SETD5: variants seen among roughly 807,000 people sequenced by gnomAD.
SETD5 encodes histone-lysine N-methyltransferase SETD5.
A neutral mutation model predicts 153.3 loss-of-function variants in SETD5; 44 were observed. The observed-to-expected ratio is 0.29, with a 90% confidence interval of 0.23 to 0.37. The LOEUF (loss-of-function observed/expected upper bound fraction) is 0.37. Among genes scored for constraint, SETD5 ranks in the 10% least tolerant of loss-of-function variants. The probability of loss-of-function intolerance (pLI) is 1.00; values close to 1 mark genes in which losing one functional copy is unlikely to be tolerated. For missense variants in SETD5, 1,544 were observed against 1,768.0 expected (o/e 0.87, Z 2.27); for synonymous variants, 716 against 645.2 (o/e 1.11, Z -1.66).
Position 9,422,185 on chromosome 3 carries a change from C to T in SETD5, c.-176-2282C>T, listed in dbSNP as rs144220944. 1.4e-3 allele frequency among the ~76,000 whole-genome samples: 208 copies of T among 152,198 alleles called. 1 individual carries two copies. The highest frequency in any genetic ancestry group is 2.3e-3 in the South Asian group (11 of 4,828). Reference sequence around the variant, plus strand: ...TAAGTTAGATTCTAAATTAGTAAATCGTGGCTAATAAGATGAAAATAATCT... The same window carrying T: ...TAAGTTAGATTCTAAATTAGTAAATTGTGGCTAATAAGATGAAAATAATCT... On this transcript the variant is annotated intron_variant, in intron 1 of 22. Transcript: ENST00000402198.
intron 10 of SETD5, chr3:9,443,008 C>T: frequency 1.2e-5 from 3 of 249,310 alleles, no homozygotes; most frequent in Non-Finnish European, 1.6e-5. Flanking sequence ...CCACTCCACT[C>T]CAGCCTGAGC....
intron 1 of SETD5, among the ~76,000 whole-genome samples, chr3:9,403,283 A>G (rs1264884048): frequency 6.6e-6 from 1 of 152,218 alleles, no homozygotes; most frequent in Non-Finnish European, 1.5e-5. Flanking sequence ...AGCTCTGTAT[A>G]GGTTAAAATA....
chr3:9,445,351 A>C, intron 12 of SETD5, 51 bp downstream of exon 12: 2 of 1,571,728 alleles, frequency 1.3e-6, no homozygotes, highest in Non-Finnish European at 1.7e-6. Flanking sequence ...CCTCCAAAGG[A>C]AGAGGAACCC....
intron 1 of SETD5, among the ~76,000 whole-genome samples, chr3:9,415,358 TAA>T (rs1420641458): frequency 6.6e-6 from 1 of 152,112 alleles, no homozygotes; most frequent in Non-Finnish European, 1.5e-5. Flanking sequence ...TTGTAATATA[TAA>T]GTTAAATATT....
At chr3:9,409,729 A>G (rs759191894) in intron 1 of SETD5, among the ~76,000 whole-genome samples, 7 of 152,214 alleles carry the variant, frequency 4.6e-5, no homozygotes, top group Non-Finnish European at 7.3e-5. Flanking sequence ...AGATTTTTCA[A>G]TGAACAAAGT....
intron 3 of SETD5, chr3:9,433,637 C>T (rs2040225558): frequency 1.1e-6 from 1 of 938,944 alleles, no homozygotes; most frequent in Non-Finnish European, 1.5e-6. Context: ...GTACTGGCTT[C>T]ATGTTACACA....
chr3:9,473,144 T>C (rs1473213219), intron 19 of SETD5, 92 bp from the exon 20 acceptor site: 4 of 1,430,848 alleles, frequency 2.8e-6, no homozygotes, highest in Non-Finnish European at 2.8e-6. Flanking sequence ...TTTACTAAGG[T>C]ACCATCTTTC....
At position 9,445,961 on chromosome 3, in the gene SETD5, GGTT is replaced by G. The variant is rs1379432984; in HGVS notation, c.1524+225_1524+227del. On this transcript the variant is annotated intron_variant, in intron 13 of 22. Coordinates refer to ENST00000402198, the MANE Select transcript of SETD5 (RefSeq NM_001080517.3). ...TTATTATCTAGTGATGGTTTGAAGA[GGTT>G]GTTTTTTTTTTTTTTTTTTTTTTTA... Among the ~76,000 whole-genome samples the G allele has an allele frequency of 1.7e-4, 22 of 127,172 alleles. 1 individual carries two copies. The highest frequency in any genetic ancestry group is 6.7e-4 in the African/African-American group (19 of 28,380). 83.4% of individuals were successfully genotyped at this position (127,172 alleles called of 152,430 possible). A position where few individuals can be genotyped will look rare whatever the true frequency, so the allele number is the denominator to read the frequency against.
rs775965445 is a variant in SETD5, at chr3:9,443,360, C to G, written c.1130C>G (p.Ser377Cys). The change falls in exon 11 of 23, where the codon TCT becomes TGT. Residue 377 changes from serine to cysteine, a missense_variant. By Grantham distance (112) the Ser-to-Cys change is moderately radical. Around this residue, in one of 9 missense-constraint regions of SETD5, gnomAD observed 46 missense variants for 111.8 expected, o/e 0.41. Transcript: ENST00000402198. Reference protein sequence around the residue: ...GMIHLCIYAVSAITKDAEVTI... With the variant: ...GMIHLCIYAVCAITKDAEVTI... ...ATTCACCTGTGCATCTATGCTGTGT[C>G]TGCCATCACCAAGGATGCTGAGGTC... 6.6e-7 allele frequency: 1 copy of G among 1,515,764 alleles called. No individual in the cohort carries two copies. Among genetic ancestry groups the G allele is most frequent in the South Asian group, 1.3e-5 (1 of 76,928 alleles). The allele number at this position is 1,515,764 out of a possible 1,614,324, so 93.9% of individuals were successfully genotyped here.
intron 2 of SETD5, chr3:9,426,313 C>A (rs1464780481): frequency 7.1e-6 from 1 of 140,970 alleles, no homozygotes; most frequent in Non-Finnish European, 1.5e-5. Context: ...CAGCTCACTG[C>A]AACCTCCACC....
At chr3:9,406,118 A>G (rs1437338202) in intron 1 of SETD5, among the ~76,000 whole-genome samples, 1 of 151,792 alleles carries the variant, frequency 6.6e-6, no homozygotes, top group East Asian at 2.0e-4. Context: ...CTTGTTTTAT[A>G]AGAGAAACCA....
chr3:9,448,301 C>T (rs2042247699), intron 15 of SETD5, 87 bp from the exon 16 acceptor site: 2 of 1,517,776 alleles, frequency 1.3e-6, no homozygotes, highest in Non-Finnish European at 1.8e-6. Context: ...GCATCTCCTC[C>T]TGTCCTAGTT....
chr3:9,419,228 G>A (rs2038014873), intron 1 of SETD5, among the ~76,000 whole-genome samples: 1 of 152,060 alleles, frequency 6.6e-6, no homozygotes, highest in Non-Finnish European at 1.5e-5. Flanking sequence ...TTTCTACTTT[G>A]GATAAAATAA....
intron 1 of SETD5, among the ~76,000 whole-genome samples, chr3:9,401,710 C>G (rs143351588): frequency 9.8e-4 from 149 of 152,270 alleles, no homozygotes; most frequent in African/African-American, 3.4e-3. Flanking sequence ...CAGAGGGGAA[C>G]TGGATCATGA....
intron 2 of SETD5, among the ~76,000 whole-genome samples, chr3:9,426,944 A>G (rs955259466): frequency 6.6e-6 from 1 of 152,138 alleles, no homozygotes; most frequent in South Asian, 2.1e-4. Flanking sequence ...AGTGCAGTGC[A>G]TGATTATGGC....
rs1402320037 is a variant in SETD5, at chr3:9,474,610, A to G, written c.3631+28A>G. ...GAGCCCATGGCCTTCTGCTGCCACC[A>G]CATTCAGGGACACATGAGCCGAGTC... On this transcript the variant is annotated intron_variant, in intron 21 of 22. Coordinates refer to ENST00000402198, the MANE Select transcript of SETD5 (RefSeq NM_001080517.3). The G allele has an allele frequency of 5.6e-6, 9 of 1,611,294 alleles. No homozygotes were observed. The South Asian group carries it at 8.8e-5, about 16-fold the overall frequency.
chr3:9,412,817 A>T (rs1430390346), intron 1 of SETD5, among the ~76,000 whole-genome samples: 1 of 151,756 alleles, frequency 6.6e-6, no homozygotes, highest in Non-Finnish European at 1.5e-5. Flanking sequence ...GAGAGGAGAT[A>T]ATAGATGAAA....
At chr3:9,408,740 T>C (rs1205630450) in intron 1 of SETD5, among the ~76,000 whole-genome samples, 6 of 152,192 alleles carry the variant, frequency 3.9e-5, no homozygotes, top group African/African-American at 1.4e-4. Context: ...GTTAAGCAGC[T>C]GTTGTTATTC....
intron 8 of SETD5, among the ~76,000 whole-genome samples, 192 bp downstream of exon 8, chr3:9,440,890 C>G (rs529987965): frequency 2.0e-5 from 3 of 152,186 alleles, no homozygotes; most frequent in South Asian, 4.2e-4. Flanking sequence ...TATTTTTAAA[C>G]TACCTTTATT....
Sources: gnomAD v4.1 joint callset for allele counts (sites outside exome capture counted in the v4.1 genomes callset) on GRCh38, gnomAD v4.1.1 for gene constraint, gnomAD v4.1.1 regional missense constraint, MANE v1.5 for transcripts, NCBI Gene and HGNC (gene_info 2026-07-23, HGNC 2026-07-21) for gene names.